The following TOX variants were observed in gnomAD, a reference collection of about 807,000 sequenced individuals.
TOX encodes the protein thymocyte selection-associated high mobility group box protein TOX.
Under a neutral mutation model 53.7 loss-of-function variants are expected in TOX, and 11 were observed. The ratio of observed to expected loss-of-function variants is 0.20; its 90% confidence interval spans 0.13 to 0.34. TOX has a LOEUF of 0.34. Among genes scored for constraint, TOX ranks in the 10% least tolerant of loss-of-function variants. The pLI is 1.00. For missense variants in TOX, 570 were observed against 664.6 expected, an observed-to-expected ratio of 0.86 and a Z score of 1.56; for synonymous variants, 225 against 245.3, an observed-to-expected ratio of 0.92 and a Z score of 0.77.
chr8:59,054,813 G>T (rs1803859394), intron 1 of TOX, among the ~76,000 whole-genome samples: 1 of 133,234 alleles, frequency 7.5e-6, no homozygotes, highest in African/African-American at 2.8e-5. Context: ...AGAGAGAGAA[G>T]GAAGAAAGAG....
intron 1 of TOX, among the ~76,000 whole-genome samples, chr8:58,979,291 G>A (rs1813158877): frequency 6.6e-6 from 1 of 152,196 alleles, no homozygotes; most frequent in Admixed American, 6.5e-5. Flanking sequence ...GACCAGGAAT[G>A]TTTGCAAGTA....
In TOX at chr8:59,027,161, T is replaced by C. The variant is rs986239093; in HGVS notation, c.103-67153A>G. 4.6e-5 allele frequency among the ~76,000 whole-genome samples: 7 copies of C among 152,318 alleles called. No individual in the cohort carries two copies. In the South Asian group the frequency reaches 1.5e-3, roughly 32 times the overall value. Reference sequence around the variant, plus strand: ...ATGTTTCTGGTTTCTGGTTTAATGCTAAAGTTATGTCCAGATTATCTAGTT... The same window carrying C: ...ATGTTTCTGGTTTCTGGTTTAATGCCAAAGTTATGTCCAGATTATCTAGTT... On this transcript the variant is annotated intron_variant, in intron 1 of 8. Coordinates refer to ENST00000361421, the MANE Select transcript of TOX (RefSeq NM_014729.3).
chr8:58,876,986 T>C (rs148813732), intron 3 of TOX, among the ~76,000 whole-genome samples: 5 of 152,352 alleles, frequency 3.3e-5, no homozygotes, highest in African/African-American at 1.2e-4. Flanking sequence ...GTTAATAATT[T>C]AGCTTTGAAG....
intron 1 of TOX, among the ~76,000 whole-genome samples, chr8:59,000,486 A>G (rs1366641697): frequency 6.6e-6 from 1 of 152,214 alleles, no homozygotes; most frequent in Non-Finnish European, 1.5e-5. Context: ...TGACAGATTT[A>G]TAACTGACCC....
chr8:58,912,120 C>G (rs1271646231), intron 3 of TOX, among the ~76,000 whole-genome samples: 1 of 152,232 alleles, frequency 6.6e-6, no homozygotes, highest in Non-Finnish European at 1.5e-5. Context: ...TGTAATTCCT[C>G]TGGTTATAGA....
intron 3 of TOX, among the ~76,000 whole-genome samples, chr8:58,861,392 C>T (rs1041308213): frequency 8.5e-5 from 13 of 152,136 alleles, no homozygotes; most frequent in Non-Finnish European, 1.6e-4. Flanking sequence ...TTAGAATCAA[C>T]GAAGCCTTTT....
intron 1 of TOX, among the ~76,000 whole-genome samples, chr8:59,061,561 C>A (rs1029051731): frequency 2.0e-5 from 3 of 152,274 alleles, no homozygotes; most frequent in Non-Finnish European, 2.9e-5. Flanking sequence ...AAAATCCCCT[C>A]TTTTCCCCCA....
At chr8:58,966,495 G>C (rs991435737) in intron 1 of TOX, among the ~76,000 whole-genome samples, 1 of 152,124 alleles carries the variant, frequency 6.6e-6, no homozygotes, top group African/African-American at 2.4e-5. Context: ...GTATGGAGAG[G>C]AAGAATGGCC....
At chr8:58,974,865 C>T (rs1302137884) in intron 1 of TOX, among the ~76,000 whole-genome samples, 1 of 151,926 alleles carries the variant, frequency 6.6e-6, no homozygotes, top group Non-Finnish European at 1.5e-5. Flanking sequence ...GAGTAGATGG[C>T]ACTATTAATT....
chr8:59,047,515 C>T (rs1455781496), intron 1 of TOX, among the ~76,000 whole-genome samples: 1 of 151,926 alleles, frequency 6.6e-6, no homozygotes, highest in Non-Finnish European at 1.5e-5. Context: ...TGAGCCACCG[C>T]GCCCGGCTGA....
chr8:58,953,287 A>T (rs936137287), intron 2 of TOX, among the ~76,000 whole-genome samples: 1 of 152,322 alleles, frequency 6.6e-6, no homozygotes, highest in African/African-American at 2.4e-5. Context: ...GTATCCATAC[A>T]GCTCTTAAGA....
intron 3 of TOX, among the ~76,000 whole-genome samples, chr8:58,857,651 G>T (rs1031505216): frequency 6.6e-6 from 1 of 152,148 alleles, no homozygotes; most frequent in South Asian, 2.1e-4. Context: ...TTCTCCCCTT[G>T]TCTGGTTACC....
rs531271809 is a variant in TOX, at chr8:58,871,956, A to G, written c.412-20151T>C. ...AACCCCAGTAGCAATGAGCATACCT[A>G]GCCATCTTAGTTTCTGATACCATTC... On this transcript the variant is annotated intron_variant, in intron 3 of 8. Coordinates refer to ENST00000361421, the MANE Select transcript of TOX (RefSeq NM_014729.3). Among the ~76,000 whole-genome samples the G allele has an allele frequency of 2.0e-5, 3 of 152,320 alleles. No homozygotes were observed. The South Asian group carries it at 6.2e-4, about 32-fold the overall frequency.
intron 1 of TOX, among the ~76,000 whole-genome samples, chr8:58,967,444 G>A (rs1484545098): frequency 6.6e-6 from 1 of 152,128 alleles, no homozygotes; most frequent in Non-Finnish European, 1.5e-5. Context: ...CTGACCCTCA[G>A]GCTTCTGACC....
intron 7 of TOX, among the ~76,000 whole-genome samples, chr8:58,813,838 CT>C (rs1253382920): frequency 1.3e-5 from 2 of 152,118 alleles, no homozygotes; most frequent in African/African-American, 4.8e-5. Context: ...TTTAAAGATC[CT>C]TTGAATTCTT....
chr8:58,918,858 C>T (rs1812023485), intron 3 of TOX, among the ~76,000 whole-genome samples: 1 of 149,778 alleles, frequency 6.7e-6, no homozygotes. Context: ...TCAGCAAAGT[C>T]TCAGGATACA....
At chr8:58,887,718 C>T (rs1811494053) in intron 3 of TOX, among the ~76,000 whole-genome samples, 1 of 151,916 alleles carries the variant, frequency 6.6e-6, no homozygotes, top group African/African-American at 2.4e-5. Flanking sequence ...CTATTTTCTG[C>T]TCTTTAAGGT....
At chr8:58,974,080 G>A (rs563311325) in intron 1 of TOX, among the ~76,000 whole-genome samples, 25 of 152,294 alleles carry the variant, frequency 1.6e-4, no homozygotes, top group African/African-American at 6.0e-4. Context: ...TTACGAGTGT[G>A]AGCCACTGTG....
chr8:58,883,363 A>T (rs1811414452), intron 3 of TOX, among the ~76,000 whole-genome samples: 1 of 152,182 alleles, frequency 6.6e-6, no homozygotes, highest in South Asian at 2.1e-4. Context: ...TTTTTAAATG[A>T]TCTATTTTAT....
Sources: gnomAD v4.1 joint callset for allele counts (sites outside exome capture counted in the v4.1 genomes callset) on GRCh38, gnomAD v4.1.1 for gene constraint, MANE v1.5 for transcripts, NCBI Gene and HGNC (gene_info 2026-07-23, HGNC 2026-07-21) for gene names.